Variants in GKAP1 observed in about 807,000 individuals in gnomAD.
The protein encoded by GKAP1 is G kinase-anchoring protein 1.
GKAP1 carries 31 observed loss-of-function variants against 56.7 expected under a neutral mutation model. That is an observed-to-expected ratio of 0.55 (90% confidence interval 0.41 to 0.74). The LOEUF is 0.74. GKAP1 is among the 30% of genes least tolerant of loss of function. The pLI is 0.00. For missense variants in GKAP1, 364 were observed against 402.3 expected (o/e 0.90, Z 0.82); for synonymous variants, 151 against 138.6 (o/e 1.09, Z -0.63).
At chr9:83,761,663 C>CA (rs1389802428) in intron 8 of GKAP1, among the ~76,000 whole-genome samples, 3 of 135,426 alleles carry the variant, frequency 2.2e-5, no homozygotes, top group African/African-American at 5.4e-5. Flanking sequence ...AAAAAATCCA[C>CA]AAAAAATACT....
At chr9:83,753,181 T>C in intron 9 of GKAP1, 77 bp downstream of exon 9, 5 of 805,362 alleles carry the variant, frequency 6.2e-6, no homozygotes, top group Non-Finnish European at 8.3e-6. Flanking sequence ...ATATTAAACA[T>C]ATTTACATAT....
chr9:83,745,288 C>A (rs987923001), intron 10 of GKAP1, among the ~76,000 whole-genome samples: 1 of 152,322 alleles, frequency 6.6e-6, no homozygotes, highest in Non-Finnish European at 1.5e-5. Flanking sequence ...CCTGTCTCAA[C>A]CTCCCAAAGC....
intron 2 of GKAP1, among the ~76,000 whole-genome samples, chr9:83,810,577 C>G (rs1944493812): frequency 6.6e-6 from 1 of 152,198 alleles, no homozygotes; most frequent in Non-Finnish European, 1.5e-5. Context: ...TGAGATGCCT[C>G]TGGTTCTTTA....
intron 2 of GKAP1, among the ~76,000 whole-genome samples, chr9:83,814,174 T>C (rs909155000): frequency 4.6e-5 from 7 of 152,218 alleles, no homozygotes; most frequent in Non-Finnish European, 7.3e-5. Flanking sequence ...ATATACTTCA[T>C]ACCCAAAAAG....
chr9:83,802,819 C>G (rs543373478), intron 3 of GKAP1, among the ~76,000 whole-genome samples: 1 of 151,408 alleles, frequency 6.6e-6, no homozygotes, highest in East Asian at 1.9e-4. Flanking sequence ...GAGAGAGATT[C>G]TGTCTTCTCT....
intron 3 of GKAP1, among the ~76,000 whole-genome samples, chr9:83,800,420 G>A (rs1474642575): frequency 7.0e-5 from 10 of 142,482 alleles, no homozygotes; most frequent in East Asian, 2.1e-4. Flanking sequence ...TGTAACCTCC[G>A]CCTCCCAGGT....
intron 2 of GKAP1, among the ~76,000 whole-genome samples, chr9:83,816,671 G>C (rs1432995877): frequency 2.6e-5 from 4 of 152,200 alleles, no homozygotes; most frequent in African/African-American, 9.7e-5. Context: ...AACAGACAAT[G>C]CTAAATGGTG....
intron 8 of GKAP1, among the ~76,000 whole-genome samples, chr9:83,767,534 T>C (rs1229115057): frequency 6.6e-6 from 1 of 151,930 alleles, no homozygotes; most frequent in East Asian, 1.9e-4. Context: ...ATTTTTGTTT[T>C]TATTTTTAGT....
At chr9:83,780,261 A>G (rs951525185) in intron 7 of GKAP1, 121 bp downstream of exon 7, 3 of 616,034 alleles carry the variant, frequency 4.9e-6, no homozygotes, top group African/African-American at 1.9e-5. Flanking sequence ...GGTTCACTCA[A>G]GACAAACCTA....
intron 3 of GKAP1, among the ~76,000 whole-genome samples, chr9:83,800,644 C>T (rs192234760): frequency 5.9e-5 from 9 of 152,024 alleles, no homozygotes; most frequent in Admixed American, 5.2e-4. Context: ...CCCCCACTGC[C>T]TCCTTACATA....
intron 11 of GKAP1, 136 bp from the exon 12 acceptor site, chr9:83,742,165 T>G: frequency 1.5e-6 from 1 of 665,374 alleles, no homozygotes; most frequent in Non-Finnish European, 2.6e-6. Flanking sequence ...TAATTTCCAT[T>G]TGGTATTGTA....
Position 83,806,637 on chromosome 9 carries a change from T to C in GKAP1, c.-43-77A>G, listed in dbSNP as rs1392387262. On this transcript the variant is annotated intron_variant, in intron 2 of 12. Transcript: ENST00000376371. ...TGTTGTAGATTCTAAAACAACCATA[T>C]GTAGATAAAATAAATTTCTTCTGAC... 3.3e-5 allele frequency: 26 copies of C among 790,784 alleles called. No homozygotes were observed. In the East Asian group the frequency reaches 5.7e-4, roughly 17 times the overall value. The allele number at this position is 790,784 out of a possible 1,614,324, so 49.0% of individuals were successfully genotyped here. A position where few individuals can be genotyped will look rare whatever the true frequency, so the allele number is the denominator to read the frequency against.
intron 7 of GKAP1, among the ~76,000 whole-genome samples, chr9:83,779,229 T>C (rs1180312717): frequency 4.6e-5 from 7 of 151,858 alleles, no homozygotes; most frequent in Non-Finnish European, 1.0e-4. Flanking sequence ...ATGATGACAA[T>C]GGTTTGCAAA....
intron 7 of GKAP1, among the ~76,000 whole-genome samples, chr9:83,772,031 C>A (rs1316819670): frequency 2.6e-5 from 4 of 151,782 alleles, no homozygotes; most frequent in African/African-American, 9.7e-5. Context: ...TCAAAAGATA[C>A]TGATAACAAA....
rs1329058178 is a variant in GKAP1, at chr9:83,777,078, AG to A, written c.585+3303del. 2.6e-5 allele frequency among the ~76,000 whole-genome samples: 4 copies of A among 152,354 alleles called. No homozygotes were observed. In the East Asian group the frequency reaches 5.8e-4, roughly 22 times the overall value. ...ACACGGACATGATAGAAAATTCAGA[AG>A]CTTATACTGTAAAAAGCAGGCAGGC... On this transcript the variant is annotated intron_variant, in intron 7 of 12. Transcript: ENST00000376371.
intron 7 of GKAP1, among the ~76,000 whole-genome samples, 195 bp from the exon 8 acceptor site, chr9:83,769,165 TAG>T (rs1943715092): frequency 6.6e-6 from 1 of 152,192 alleles, no homozygotes. Context: ...GATAAAACAG[TAG>T]AGACACATTT....
At chr9:83,752,981 T>C (rs1180237302) in intron 9 of GKAP1, among the ~76,000 whole-genome samples, 1 of 151,836 alleles carries the variant, frequency 6.6e-6, no homozygotes, top group African/African-American at 2.4e-5. Context: ...GAGAATCGCT[T>C]GAACCCAGGC....
intron 4 of GKAP1, among the ~76,000 whole-genome samples, chr9:83,798,442 T>C (rs1587733655): frequency 6.6e-6 from 1 of 152,228 alleles, no homozygotes; most frequent in East Asian, 1.9e-4. Flanking sequence ...AAATATCATG[T>C]AAACAGGTTA....
intron 3 of GKAP1, among the ~76,000 whole-genome samples, chr9:83,805,959 ACGCAAAAAT>A (rs898166132): frequency 6.6e-5 from 10 of 152,230 alleles, no homozygotes; most frequent in African/African-American, 2.4e-4. Flanking sequence ...TCTACAAAAA[ACGCAAAAAT>A]TAGCCAGGCA....
Sources: allele counts gnomAD v4.1 joint callset (sites outside exome capture counted in the v4.1 genomes callset), GRCh38; gene constraint gnomAD v4.1.1; transcripts MANE v1.5; gene names NCBI Gene and HGNC (gene_info 2026-07-23, HGNC 2026-07-21).